MPG: variants seen among roughly 807,000 people sequenced by gnomAD.
MPG encodes the protein DNA-3-methyladenine glycosylase.
MPG carries 33 observed loss-of-function variants against 31.7 expected under a neutral mutation model. The observed-to-expected ratio is 1.04, with a 90% CI of 0.79 to 1.39. The LOEUF (loss-of-function observed/expected upper bound fraction) is 1.39, where lower values mean the gene tolerates loss of function less well. Ranked by LOEUF, MPG falls within the 40% of genes most tolerant of loss-of-function variation. The pLI, the probability that MPG is intolerant of heterozygous loss-of-function variation, is 0.00. For missense variants in MPG, 455 were observed against 415.5 expected (o/e 1.10, Z -0.83); for synonymous variants, 202 against 169.2 (o/e 1.19, Z -1.51).
chr16:81,979 C>A (rs1898255346), intron 2 of MPG, among the ~76,000 whole-genome samples: 1 of 127,494 alleles, frequency 7.8e-6, no homozygotes, highest in Non-Finnish European at 1.5e-5. Flanking sequence ...GCGCTGACCC[C>A]TTCTTCCCAC....
chr16:79,750 G>T (rs1567123458), intron 2 of MPG, 50 bp downstream of exon 2: 1 of 1,516,232 alleles, frequency 6.6e-7, no homozygotes, highest in Admixed American at 2.0e-5. Context: ...TGTCACTGCA[G>T]TTGTCCCTGA....
At chr16:82,923 G>A (rs558234231) in intron 2 of MPG, 129 bp from the exon 3 acceptor site, 36 of 744,948 alleles carry the variant, frequency 4.8e-5, no homozygotes, top group Non-Finnish European at 7.2e-5. Flanking sequence ...TGGAGACGGG[G>A]CAAGGTCCCT....
intron 1 of MPG, among the ~76,000 whole-genome samples, chr16:78,597 G>A (rs1002458136): frequency 6.6e-6 from 1 of 152,204 alleles, no homozygotes; most frequent in Non-Finnish European, 1.5e-5. Context: ...CAGGCCGACT[G>A]GCAGTCTCCG....
intron 1 of MPG, chr16:79,057 T>C (rs1465246735): frequency 7.0e-7 from 1 of 1,432,398 alleles, no homozygotes; most frequent in Non-Finnish European, 9.1e-7. Context: ...GCTCAGACGT[T>C]TGCTTGGGAC....
rs1264081317 is a variant in MPG, at chr16:79,591, G to A, written c.191G>A (p.Gly64Asp). ...ERCLGPPTTP[G>D]PYRSIYFSSP... is the part of the protein sequence containing the mutation. Reference sequence around the variant, plus strand: ...TGCTTGGGACCGCCCACCACTCCGGGCCCATACCGCAGCATCTATTTCTCA... The same window carrying A: ...TGCTTGGGACCGCCCACCACTCCGGACCCATACCGCAGCATCTATTTCTCA... The change falls in exon 2 of 4, where the codon GGC becomes GAC. Residue 64 changes from glycine to aspartate, a missense_variant. Gly to Asp is a moderately conservative substitution (Grantham distance 94). Coordinates refer to ENST00000356432, the MANE Select transcript of MPG (RefSeq NM_001015052.3). The A allele has an allele frequency of 1.9e-6, 3 of 1,609,764 alleles. No individual in the cohort carries two copies. The highest frequency in any genetic ancestry group is 1.1e-5 in the South Asian group (1 of 90,776).
At chr16:83,019 T>A in intron 2 of MPG, 33 bp from the exon 3 acceptor site, 54 of 1,496,834 alleles carry the variant, frequency 3.6e-5, no homozygotes, top group Non-Finnish European at 4.6e-5. Context: ...CCCCCATCCC[T>A]TCCCGCCCTG....
At chr16:79,348 C>T in intron 1 of MPG, 77 bp from the exon 2 acceptor site, 1 of 1,613,872 alleles carries the variant, frequency 6.2e-7, no homozygotes, top group South Asian at 1.1e-5. Context: ...AGATCCAGTC[C>T]TTGCACTTCC....
At chr16:83,740 CAA>C (rs55674146) in intron 3 of MPG, among the ~76,000 whole-genome samples, 25 of 99,384 alleles carry the variant, frequency 2.5e-4, no homozygotes, top group Admixed American at 3.3e-4. Context: ...GACTCCATCT[CAA>C]AAAAAAAAAA....
upstream of MPG, chr16:78,041 C>A (rs187819680): frequency 1.1e-3 from 329 of 298,330 alleles, 5 homozygotes; most frequent in East Asian, 0.018. Context: ...GTGCCCCTTC[C>A]CCGCTCTCGC....
intron 3 of MPG, 34 bp downstream of exon 3, chr16:83,290 C>G (rs1455879352): frequency 6.3e-7 from 1 of 1,583,214 alleles, no homozygotes; most frequent in African/African-American, 1.3e-5. Context: ...GGTTGGAGGG[C>G]CGGCAGAGCC....
chr16:79,462 C>T lies in MPG; in HGVS notation c.62C>T (p.Ala21Val), dbSNP rs56327970. Reference sequence around the variant, plus strand: ...ATGGGGCAAAAGAAGCAGCGACCAGCTAGAGCAGGGCAGCCACACAGCTCG... The same window carrying T: ...ATGGGGCAAAAGAAGCAGCGACCAGTTAGAGCAGGGCAGCCACACAGCTCG... ...RRMGQKKQRP[A>V]RAGQPHSSSD... is the part of the protein sequence containing the mutation. The change falls in exon 2 of 4, where the codon GCT (alanine) becomes GTT (valine). Residue 21 changes from alanine (A) to valine (V), a missense_variant. By Grantham distance (64) the Ala-to-Val change is moderately conservative. Transcript: ENST00000356432. 2.2e-5 allele frequency: 35 copies of T among 1,613,148 alleles called. No individual in the cohort carries two copies. The African/African-American group carries it at 3.7e-4, about 17-fold the overall frequency.
In MPG at chr16:85,742, G is replaced by A. The variant is rs1174113763; in HGVS notation, c.847G>A (p.Val283Ile). 2.0e-5 allele frequency: 30 copies of A among 1,514,864 alleles called. No homozygotes were observed. In the East Asian group the frequency reaches 3.4e-4, roughly 17 times the overall value. The allele number at this position is 1,514,864 out of a possible 1,614,324, so 93.8% of individuals were successfully genotyped here. A position where few individuals can be genotyped will look rare whatever the true frequency, so the allele number is the denominator to read the frequency against. Residue 283 changes from valine (V) to isoleucine (I), a missense_variant, in exon 4 of 4, where the codon GTC (valine) becomes ATC (isoleucine). Val to Ile is a conservative substitution (Grantham distance 29, BLOSUM62 3). Coordinates refer to ENST00000356432, the MANE Select transcript of MPG (RefSeq NM_001015052.3). ...YVRGSPWVSV[V>I]DRVAEQDTQA ...CCGGGGCAGCCCCTGGGTCAGTGTG[G>A]TCGACAGAGTGGCTGAGCAGGACAC... is the stretch of plus-strand genomic sequence containing the variant.
chr16:79,295 G>A (rs777343672), intron 1 of MPG, 130 bp from the exon 2 acceptor site: 2 of 1,590,204 alleles, frequency 1.3e-6, no homozygotes, highest in East Asian at 4.6e-5. Context: ...CCCACAGGAT[G>A]GTCACCCCCG....
At chr16:82,948 G>A (rs560100441) in intron 2 of MPG, 104 bp from the exon 3 acceptor site, 34 of 995,248 alleles carry the variant, frequency 3.4e-5, no homozygotes, top group African/African-American at 8.2e-5. Flanking sequence ...AGACCTGGGC[G>A]GCTGACACAC....
In MPG at chr16:78,339, C is replaced by A. The variant is rs1390892416; in HGVS notation, c.24+6C>A. ...CCGCGCGCAGCGGGGCCCAGGTGAGCGCGCGCCTCGGCCGCCCCGCGGAAC... is the reference window on the plus strand; with the variant it reads ...CCGCGCGCAGCGGGGCCCAGGTGAGAGCGCGCCTCGGCCGCCCCGCGGAAC... On this transcript the variant is annotated splice_donor_region_variant and intron_variant, in intron 1 of 3. Coordinates refer to ENST00000356432, the MANE Select transcript of MPG (RefSeq NM_001015052.3). 3 of 1,255,650 alleles carry A rather than the reference C, an allele frequency of 2.4e-6. No homozygotes were observed. Among genetic ancestry groups the A allele is most frequent in the South Asian group, 2.7e-5 (1 of 37,164 alleles). 77.8% of individuals were successfully genotyped at this position (1,255,650 alleles called of 1,614,324 possible).
intron 2 of MPG, among the ~76,000 whole-genome samples, chr16:80,796 G>A (rs1056642501): frequency 3.9e-5 from 6 of 151,984 alleles, no homozygotes; most frequent in African/African-American, 7.3e-5. Context: ...GCGACAGGGC[G>A]AGACTCCGTC....
upstream of MPG, among the ~76,000 whole-genome samples, chr16:77,502 G>T (rs1272258555): frequency 1.3e-5 from 2 of 152,226 alleles, no homozygotes; most frequent in Non-Finnish European, 2.9e-5. Flanking sequence ...GCACTGCCGG[G>T]CCGTGTTCAG....
chr16:83,316 C>T, intron 3 of MPG, 60 bp downstream of exon 3: 1 of 1,508,030 alleles, frequency 6.6e-7, no homozygotes, highest in Non-Finnish European at 9.1e-7. Context: ...CGCTAGCAGC[C>T]AGGGGACCAC....
chr16:83,677 G>T (rs565688062), intron 3 of MPG, among the ~76,000 whole-genome samples: 2 of 151,590 alleles, frequency 1.3e-5, no homozygotes, highest in South Asian at 4.2e-4. Flanking sequence ...GGAGGCGGAG[G>T]TTGCAGGGAG....
Sources: gnomAD v4.1 joint callset for allele counts (sites outside exome capture counted in the v4.1 genomes callset) on GRCh38, gnomAD v4.1.1 for gene constraint, MANE v1.5 for transcripts, NCBI Gene and HGNC (gene_info 2026-07-23, HGNC 2026-07-21) for gene names.